The following CFAP418 variants were observed in gnomAD, a reference collection of about 807,000 sequenced individuals.
CFAP418 encodes the protein cilia and flagella associated protein 418.
Under a neutral mutation model 24.7 loss-of-function variants are expected in CFAP418, and 27 were observed. That is an observed-to-expected ratio of 1.09 (90% CI 0.81 to 1.51). The LOEUF (loss-of-function observed/expected upper bound fraction) is 1.51, where lower values mean the gene tolerates loss of function less well. Ranked by LOEUF, CFAP418 falls within the 40% of genes most tolerant of loss-of-function variation. The pLI is 0.00. For synonymous variants in CFAP418, 74 were observed against 87.3 expected (o/e 0.85, Z 0.85); for missense variants, 257 against 255.2 (o/e 1.01, Z -0.05).
At chr8:95,266,227 T>C (rs1563475166) in intron 1 of CFAP418, among the ~76,000 whole-genome samples, 1 of 152,212 alleles carries the variant, frequency 6.6e-6, no homozygotes, top group East Asian at 1.9e-4. Flanking sequence ...TTGGCTGTTA[T>C]TATAGTTATC....
intron 4 of CFAP418, among the ~76,000 whole-genome samples, chr8:95,255,579 C>G (rs1464914983): frequency 6.6e-6 from 1 of 152,164 alleles, no homozygotes; most frequent in Non-Finnish European, 1.5e-5. Flanking sequence ...GTGGAATAAT[C>G]TATTTAAAGC....
intron 2 of CFAP418, among the ~76,000 whole-genome samples, chr8:95,260,737 TTACTC>T (rs1297436180): frequency 5.3e-5 from 8 of 152,216 alleles, no homozygotes; most frequent in Non-Finnish European, 8.8e-5. Context: ...AATGTGCAAA[TTACTC>T]TACTAACTTT....
chr8:95,259,990 G>GT, intron 3 of CFAP418, 85 bp from the exon 4 acceptor site: 1 of 1,095,632 alleles, frequency 9.1e-7, no homozygotes. Context: ...AAAATTTTTG[G>GT]TTTTATTGAC....
intron 4 of CFAP418, among the ~76,000 whole-genome samples, chr8:95,253,077 A>C (rs1811732981): frequency 6.6e-6 from 1 of 152,114 alleles, no homozygotes; most frequent in Non-Finnish European, 1.5e-5. Context: ...TGGGAGGCTG[A>C]GGCGGGCGGA....
At chr8:95,256,751 G>A (rs118016695) in intron 4 of CFAP418, among the ~76,000 whole-genome samples, 2,529 of 152,338 alleles carry the variant, frequency 0.017, 44 homozygotes, top group Non-Finnish European at 0.019. Flanking sequence ...AATCTGCAGT[G>A]TGTGAATTAA....
At chr8:95,257,605 A>G (rs1811812563) in intron 4 of CFAP418, among the ~76,000 whole-genome samples, 1 of 152,158 alleles carries the variant, frequency 6.6e-6, no homozygotes, top group Non-Finnish European at 1.5e-5. Flanking sequence ...GTCCTATAGA[A>G]TTATAACGGA....
At chr8:95,259,965 T>C in intron 3 of CFAP418, 60 bp from the exon 4 acceptor site, 1 of 1,447,082 alleles carries the variant, frequency 6.9e-7, no homozygotes, top group Non-Finnish European at 9.4e-7. Context: ...GAGAAGTTAA[T>C]TTGGCCATGT....
Position 95,247,317 on chromosome 8 carries a change from A to G in CFAP418, c.*300T>C, listed in dbSNP as rs754749403. 7.9e-5 allele frequency: 26 copies of G among 327,588 alleles called. No individual in the cohort carries two copies. Among genetic ancestry groups the G allele is most frequent in the Non-Finnish European group, 1.4e-4 (24 of 177,156 alleles). 20.3% of individuals were successfully genotyped at this position (327,588 alleles called of 1,614,324 possible). On this transcript the variant is annotated 3_prime_UTR_variant, in exon 6 of 6. Transcript: ENST00000286688. ...TCAATATTGCAGTTGCTAATGAAAAACTAGATATTTGTATGGAACTCCATA... is the reference window on the plus strand; with the variant it reads ...TCAATATTGCAGTTGCTAATGAAAAGCTAGATATTTGTATGGAACTCCATA...
At chr8:95,260,560 C>T in intron 2 of CFAP418, 28 bp from the exon 3 acceptor site, 1 of 1,394,466 alleles carries the variant, frequency 7.2e-7, no homozygotes, top group Non-Finnish European at 9.9e-7. Flanking sequence ...CAATAAAAGG[C>T]CATGAGTAAC....
At chr8:95,267,065 A>G (rs1307012535) in intron 1 of CFAP418, among the ~76,000 whole-genome samples, 1 of 152,216 alleles carries the variant, frequency 6.6e-6, no homozygotes, top group South Asian at 2.1e-4. Flanking sequence ...GTTGTGGGAT[A>G]GGGATGGTAG....
chr8:95,247,557 A>C lies in CFAP418; in HGVS notation c.*60T>G. ...TGCTAGGGACTATTGTCTAAACATGATGATGATTCATGGAGACCACTCTCA... is the reference window on the plus strand; with the variant it reads ...TGCTAGGGACTATTGTCTAAACATGCTGATGATTCATGGAGACCACTCTCA... On this transcript the variant is annotated 3_prime_UTR_variant, in exon 6 of 6. Coordinates refer to ENST00000286688, the MANE Select transcript of CFAP418 (RefSeq NM_177965.4). 1 of 1,591,274 alleles carries C rather than the reference A, an allele frequency of 6.3e-7. No individual in the cohort carries two copies. The highest frequency in any genetic ancestry group is 1.1e-5 in the South Asian group (1 of 90,356).
At chr8:95,249,395 G>C (rs1234517032) in intron 5 of CFAP418, among the ~76,000 whole-genome samples, 2 of 152,160 alleles carry the variant, frequency 1.3e-5, no homozygotes, top group Non-Finnish European at 1.5e-5. Flanking sequence ...GGGTGTGGTG[G>C]GTCATGCCTG....
At chr8:95,257,294 A>C (rs1308367284) in intron 4 of CFAP418, among the ~76,000 whole-genome samples, 1 of 152,216 alleles carries the variant, frequency 6.6e-6, no homozygotes, top group Non-Finnish European at 1.5e-5. Context: ...TTGTACAGAG[A>C]GTCCTCAACA....
chr8:95,246,490 G>A lies in CFAP418; in HGVS notation c.*1127C>T, dbSNP rs1811622900. 6.6e-6 allele frequency: 1 copy of A among 152,174 alleles called. No individual in the cohort carries two copies. Among genetic ancestry groups the A allele is most frequent in the African/African-American group, 2.4e-5 (1 of 41,442 alleles). 9.4% of individuals were successfully genotyped at this position (152,174 alleles called of 1,614,324 possible). A position where few individuals can be genotyped will look rare whatever the true frequency, so the allele number is the denominator to read the frequency against. On this transcript the variant is annotated 3_prime_UTR_variant, in exon 6 of 6. Transcript: ENST00000286688. ...ATAAGACTAAGAAGATTATAACTTTGTTTCAATTATTCCCTTTCAGGGTGC... is the reference window on the plus strand; with the variant it reads ...ATAAGACTAAGAAGATTATAACTTTATTTCAATTATTCCCTTTCAGGGTGC...
At chr8:95,257,370 T>A (rs1811807868) in intron 4 of CFAP418, among the ~76,000 whole-genome samples, 1 of 152,204 alleles carries the variant, frequency 6.6e-6, no homozygotes, top group South Asian at 2.1e-4. Flanking sequence ...TCCAGTGGAT[T>A]TATATTAGCC....
At chr8:95,251,031 T>C (rs1811698371) in intron 5 of CFAP418, among the ~76,000 whole-genome samples, 1 of 152,226 alleles carries the variant, frequency 6.6e-6, no homozygotes, top group Non-Finnish European at 1.5e-5. Flanking sequence ...TATTTGAAAA[T>C]GTCAATGTAA....
chr8:95,253,080 C>A (rs1376762740), intron 4 of CFAP418, among the ~76,000 whole-genome samples: 1 of 151,942 alleles, frequency 6.6e-6, no homozygotes, highest in Non-Finnish European at 1.5e-5. Flanking sequence ...GAGGCTGAGG[C>A]GGGCGGATCA....
intron 4 of CFAP418, among the ~76,000 whole-genome samples, chr8:95,254,485 G>A (rs1469589119): frequency 1.3e-5 from 2 of 152,066 alleles, no homozygotes; most frequent in South Asian, 2.1e-4. Flanking sequence ...CTAATATAAA[G>A]TCATGACTCC....
chr8:95,253,535 C>G (rs1395676686), intron 4 of CFAP418, among the ~76,000 whole-genome samples: 1 of 152,090 alleles, frequency 6.6e-6, no homozygotes, highest in Admixed American at 6.5e-5. Flanking sequence ...TTCAGATACG[C>G]TAATTTCAAA....
Sources: allele counts gnomAD v4.1 joint callset (sites outside exome capture counted in the v4.1 genomes callset), GRCh38; gene constraint gnomAD v4.1.1; transcripts MANE v1.5; gene names NCBI Gene and HGNC (gene_info 2026-07-23, HGNC 2026-07-21).